The following MALRD1 variants were observed in gnomAD, a reference collection of about 807,000 sequenced individuals.
MALRD1 encodes the protein MAM and LDL receptor class A domain containing 1, also known as MAM and LDL-receptor class A domain-containing protein 1.
In MALRD1, 247 loss-of-function variants were observed where a neutral mutation model predicts 242.1. That is an observed-to-expected ratio of 1.02 (90% CI 0.92 to 1.13). The LOEUF is 1.13. Among genes scored for constraint, MALRD1 ranks in the 50% most tolerant of loss-of-function variants. The pLI, the probability that MALRD1 is intolerant of heterozygous loss-of-function variation, is 0.00. For synonymous variants in MALRD1, 995 were observed against 866.6 expected (o/e 1.15, Z -2.60); for missense variants, 2,989 against 2,533.1 (o/e 1.18, Z -3.86).
rs75332260 is a variant in MALRD1 at position 19,503,538 on chromosome 10, A to G, written c.5320+4892A>G. Among the ~76,000 whole-genome samples the G allele has an allele frequency of 7.0e-4, 107 of 152,358 alleles. 3 individuals carry two copies. The East Asian group carries it at 0.02, about 28-fold the overall frequency. On this transcript the variant is annotated intron_variant, in intron 31 of 39. Transcript: ENST00000454679. ...TACACATGAATACTGTTTAGACTTA[A>G]TGTATACAAGATTGAATGGCAAGGG...
At chr10:19,428,681 C>G (rs931433861) in intron 28 of MALRD1, among the ~76,000 whole-genome samples, 5 of 147,194 alleles carry the variant, frequency 3.4e-5, no homozygotes, top group African/African-American at 2.6e-5. Flanking sequence ...TTTGAAATGT[C>G]AAAAATTTGA....
chr10:19,082,389 T>A (rs1035020384), intron 2 of MALRD1, among the ~76,000 whole-genome samples: 47 of 151,366 alleles, frequency 3.1e-4, no homozygotes, highest in Non-Finnish European at 6.0e-4. Flanking sequence ...TATTGATTTT[T>A]ATCAGTTATA....
At chr10:19,711,142 C>A (rs561095434) in intron 38 of MALRD1, 1 of 152,208 alleles carries the variant, frequency 6.6e-6, no homozygotes, top group South Asian at 2.1e-4. Context: ...CTGATAGATT[C>A]TTTTTTGCTT....
chr10:19,547,819 T>TATATATATATA lies in MALRD1; in HGVS notation c.5478+16468_5478+16469insATATATATATA, dbSNP rs1491504993. 7.3e-3 allele frequency among the ~76,000 whole-genome samples: 91 copies of TATATATATATA among 12,428 alleles called. 3 individuals are homozygous for TATATATATATA. The highest frequency in any genetic ancestry group is 0.012 in the Admixed American group (6 of 518). The allele number at this position is 12,428 out of a possible 152,430, so 8.2% of individuals were successfully genotyped here. A position where few individuals can be genotyped will look rare whatever the true frequency, so the allele number is the denominator to read the frequency against. On this transcript the variant is annotated intron_variant, in intron 32 of 39. Transcript: ENST00000454679. ...ATATATATATATATATATATATATA[T>TATATATATATA]TTTTTTTTTTTTTTTTTTTTTTTTT...
At chr10:19,530,455 A>ATG (rs1834353794) in intron 31 of MALRD1, among the ~76,000 whole-genome samples, 1 of 54,216 alleles carries the variant, frequency 1.8e-5, no homozygotes, top group Non-Finnish European at 6.1e-5. Context: ...AATATATAAT[A>ATG]TATAATAATA....
chr10:19,112,874 A>G (rs10826956), intron 5 of MALRD1, among the ~76,000 whole-genome samples: 83,166 of 152,002 alleles, frequency 0.55, 22,923 homozygotes, highest in Middle Eastern at 0.6. Flanking sequence ...GTTCCCTCTC[A>G]TTCATTCCCT....
chr10:19,424,729 A>G (rs980306126), intron 28 of MALRD1, among the ~76,000 whole-genome samples: 1 of 152,132 alleles, frequency 6.6e-6, no homozygotes, highest in Non-Finnish European at 1.5e-5. Flanking sequence ...GTAAGAAATA[A>G]TATTTTCTTT....
At chr10:19,364,921 A>G (rs1449236847) in intron 26 of MALRD1, among the ~76,000 whole-genome samples, 1 of 152,114 alleles carries the variant, frequency 6.6e-6, no homozygotes, top group African/African-American at 2.4e-5. Flanking sequence ...CTTTGGAAAG[A>G]ATATTGGGGA....
At chr10:19,149,777 A>C (rs1416611796) in intron 11 of MALRD1, among the ~76,000 whole-genome samples, 1 of 152,224 alleles carries the variant, frequency 6.6e-6, no homozygotes, top group Non-Finnish European at 1.5e-5. Context: ...ACCATCACAA[A>C]AATGAAGATA....
intron 29 of MALRD1, among the ~76,000 whole-genome samples, chr10:19,467,455 A>G (rs1463082775): frequency 1.3e-5 from 2 of 151,016 alleles, no homozygotes; most frequent in Non-Finnish European, 2.9e-5. Flanking sequence ...ATATACTAAC[A>G]TGGATTATAG....
At chr10:19,663,530 T>C (rs573483746) in intron 36 of MALRD1, among the ~76,000 whole-genome samples, 1 of 152,218 alleles carries the variant, frequency 6.6e-6, no homozygotes, top group Non-Finnish European at 1.5e-5. Flanking sequence ...TTCTTTTCCT[T>C]TGGGTAGATA....
At chr10:19,721,749 A>G (rs1272898346) in intron 38 of MALRD1, 1 of 152,226 alleles carries the variant, frequency 6.6e-6, no homozygotes, top group African/African-American at 2.4e-5. Context: ...CAGCTTCTCC[A>G]TAGTAGAAAT....
At chr10:19,139,036 TTGAGATGGAC>T (rs1293010505) in intron 10 of MALRD1, among the ~76,000 whole-genome samples, 1 of 152,176 alleles carries the variant, frequency 6.6e-6, no homozygotes, top group Non-Finnish European at 1.5e-5. Flanking sequence ...GTTTGCATGA[TTGAGATGGAC>T]TTGATATAGG....
intron 34 of MALRD1, among the ~76,000 whole-genome samples, chr10:19,596,402 T>TA (rs1392241893): frequency 7.9e-5 from 12 of 152,116 alleles, no homozygotes; most frequent in Non-Finnish European, 1.6e-4. Flanking sequence ...TTTGGTATAG[T>TA]AAAAGGCAGT....
chr10:19,479,635 A>G (rs965758573), intron 29 of MALRD1, among the ~76,000 whole-genome samples: 1 of 152,190 alleles, frequency 6.6e-6, no homozygotes, highest in Non-Finnish European at 1.5e-5. Flanking sequence ...TAGTGTCACC[A>G]TCATCATCAT....
intron 18 of MALRD1, among the ~76,000 whole-genome samples, chr10:19,244,333 G>A (rs944615800): frequency 3.9e-5 from 6 of 152,120 alleles, no homozygotes; most frequent in African/African-American, 1.2e-4. Context: ...AGTACTTTGG[G>A]AATTCAAGGC....
chr10:19,072,918 C>A lies in MALRD1; in HGVS notation c.340+6059C>A, dbSNP rs369515913. 2.6e-5 allele frequency among the ~76,000 whole-genome samples: 4 copies of A among 151,972 alleles called. No individual in the cohort carries two copies. In the South Asian group the frequency reaches 6.2e-4, roughly 24 times the overall value. ...GTCTTTTTTTCACTTACCTTCCCCC[C>A]CTTTTTTTTCTGGTTAGACAGAGTC... On this transcript the variant is annotated intron_variant, in intron 2 of 39. Coordinates refer to ENST00000454679, the MANE Select transcript of MALRD1 (RefSeq NM_001142308.3).
chr10:19,494,231 C>G (rs58814358), intron 30 of MALRD1, among the ~76,000 whole-genome samples: 5,185 of 152,258 alleles, frequency 0.034, 165 homozygotes, highest in African/African-American at 0.084. Context: ...AATGAAGACC[C>G]TGAGCAAAGC....
At chr10:19,216,119 CTTTTT>C (rs753559077) in intron 18 of MALRD1, among the ~76,000 whole-genome samples, 1 of 122,814 alleles carries the variant, frequency 8.1e-6, no homozygotes. Flanking sequence ...TTCTTTCTTT[CTTTTT>C]TTTTTTTTTT....
Sources: gnomAD v4.1 joint callset for allele counts (sites outside exome capture counted in the v4.1 genomes callset) on GRCh38, gnomAD v4.1.1 for gene constraint, MANE v1.5 for transcripts, NCBI Gene and HGNC (gene_info 2026-07-23, HGNC 2026-07-21) for gene names.